The following SIPA1L1 variants were observed in gnomAD, a reference collection of about 807,000 sequenced individuals.
The protein encoded by SIPA1L1 is signal-induced proliferation-associated 1-like protein 1.
In SIPA1L1, 26 loss-of-function variants were observed where a neutral mutation model predicts 162.7. That is an observed-to-expected ratio of 0.16 (90% CI 0.12 to 0.22). The LOEUF is 0.22. SIPA1L1 is among the 10% of genes least tolerant of loss of function. The probability of loss-of-function intolerance (pLI) is 1.00; values close to 1 mark genes in which losing one functional copy is unlikely to be tolerated. For synonymous variants in SIPA1L1, 829 were observed against 837.4 expected, an observed-to-expected ratio of 0.99 and a Z score of 0.17; for missense variants, 1,874 against 2,241.0, an observed-to-expected ratio of 0.84 and a Z score of 3.31.
At chr14:71,607,168 G>T (rs1036119847) in intron 5 of SIPA1L1, among the ~76,000 whole-genome samples, 1 of 151,616 alleles carries the variant, frequency 6.6e-6, no homozygotes. Flanking sequence ...GAGTTCCAGG[G>T]GGAGGTGACA....
At chr14:71,669,481 A>T (rs866814673) in intron 10 of SIPA1L1, among the ~76,000 whole-genome samples, 1 of 152,210 alleles carries the variant, frequency 6.6e-6, no homozygotes, top group African/African-American at 2.4e-5. Context: ...AAAGTGAAAG[A>T]TATTAAATAT....
intron 4 of SIPA1L1, among the ~76,000 whole-genome samples, chr14:71,578,245 G>T (rs1359619351): frequency 1.3e-5 from 2 of 151,856 alleles, no homozygotes; most frequent in Non-Finnish European, 2.9e-5. Context: ...ACAAGGTCTT[G>T]CTTTGTTTGA....
chr14:71,566,281 C>T (rs571418020), intron 4 of SIPA1L1, among the ~76,000 whole-genome samples: 1 of 152,080 alleles, frequency 6.6e-6, no homozygotes, highest in Non-Finnish European at 1.5e-5. Context: ...TAAAGCAGAT[C>T]TAAATAAATA....
rs201814820 is a variant in SIPA1L1, at chr14:71,588,224, C to A, written c.352C>A (p.Gln118Lys). 1 of 1,614,144 alleles carries A rather than the reference C, an allele frequency of 6.2e-7. No homozygotes were observed. Among genetic ancestry groups the A allele is most frequent in the East Asian group, 2.2e-5 (1 of 44,888 alleles). Reference protein sequence around the residue: ...SLSSKSSPVSQGSSVSLNSND... With the variant: ...SLSSKSSPVSKGSSVSLNSND... ...GTCCTCCAAAAGCAGTCCTGTGAGT[C>A]AGGGAAGTTCTGTTAGCCTCAATTC... is the stretch of plus-strand genomic sequence containing the variant. Residue 118 changes from glutamine (Q) to lysine (K), a missense_variant, in exon 5 of 24, where the codon CAG becomes AAG. Transcript: ENST00000381232. This position sits in a 1 kb window ranked among gnomAD's most constrained non-coding sequence, Gnocchi z 4.3.
intron 7 of SIPA1L1, among the ~76,000 whole-genome samples, chr14:71,635,012 T>C (rs922385196): frequency 6.6e-6 from 1 of 151,298 alleles, no homozygotes; most frequent in Non-Finnish European, 1.5e-5. Context: ...GCACGGTGGC[T>C]CACACCTGTA....
chr14:71,338,850 C>T (rs779620727), intron 2 of SIPA1L1, among the ~76,000 whole-genome samples: 2 of 152,016 alleles, frequency 1.3e-5, no homozygotes, highest in Non-Finnish European at 2.9e-5. Context: ...AGCAATTCTC[C>T]TTCCTCAGCT....
intron 16 of SIPA1L1, among the ~76,000 whole-genome samples, chr14:71,705,675 G>A (rs1246541289): frequency 2.6e-5 from 4 of 151,744 alleles, no homozygotes; most frequent in Admixed American, 6.6e-5. Context: ...TGGTTGGAGC[G>A]TCAGTCCTGC....
intron 2 of SIPA1L1, among the ~76,000 whole-genome samples, chr14:71,358,481 T>C (rs928607117): frequency 1.3e-5 from 2 of 152,202 alleles, no homozygotes; most frequent in Admixed American, 6.5e-5. Flanking sequence ...TCAGTCTGGC[T>C]CACTTCATCA....
intron 4 of SIPA1L1, among the ~76,000 whole-genome samples, chr14:71,532,827 A>C (rs1407137867): frequency 2.0e-5 from 3 of 152,276 alleles, no homozygotes; most frequent in Admixed American, 6.5e-5. Flanking sequence ...CAGTTTTAGG[A>C]GATTCCTCCA....
chr14:71,735,639 A>C (rs1226193781), intron 22 of SIPA1L1: 1 of 392,576 alleles, frequency 2.5e-6, no homozygotes, highest in Non-Finnish European at 4.6e-6. Context: ...TAATACATTT[A>C]TGCCCTCAGG....
intron 2 of SIPA1L1, among the ~76,000 whole-genome samples, chr14:71,359,329 A>G (rs2140832921): frequency 6.6e-6 from 1 of 152,264 alleles, no homozygotes; most frequent in South Asian, 2.1e-4. Context: ...AGCCATGTGG[A>G]ACTGTGAATC....
rs781260466 is a variant in SIPA1L1 at position 71,738,281 on chromosome 14, C to G, written c.5164C>G (p.Gln1722Glu). 2 of 1,613,360 alleles carry G rather than the reference C, an allele frequency of 1.2e-6. No homozygotes were observed. The highest frequency in any genetic ancestry group is 4.5e-5 in the East Asian group (2 of 44,848). ...TCCCACTCTGGCTTCTAAAGTGGAC[C>G]AGCTGGAAGGTATGCTGAAGATGCT... The part of the protein sequence containing the change: ...SSPTLASKVD[Q>E]LEGMLKMLRE... The change falls in exon 23 of 24, where the codon CAG becomes GAG. Residue 1722 changes from glutamine (Q) to glutamate (E), a missense_variant. This residue lies in a region of SIPA1L1 where 936 missense variants were observed against 1,051.9 expected (regional missense o/e 0.89). Coordinates refer to ENST00000381232, the MANE Select transcript of SIPA1L1 (RefSeq NM_001386936.1).
chr14:71,411,631 C>T (rs2042410850), intron 2 of SIPA1L1, among the ~76,000 whole-genome samples: 1 of 152,206 alleles, frequency 6.6e-6, no homozygotes, highest in African/African-American at 2.4e-5. Context: ...GTTGGCTGGG[C>T]CAGAGGTTGC....
At chr14:71,442,358 C>A (rs2044962000) in intron 2 of SIPA1L1, among the ~76,000 whole-genome samples, 2 of 151,762 alleles carry the variant, frequency 1.3e-5, no homozygotes, top group Non-Finnish European at 2.9e-5. Flanking sequence ...TGATTCAAAG[C>A]CCAGAGTATA....
intron 2 of SIPA1L1, among the ~76,000 whole-genome samples, chr14:71,384,306 C>T (rs997821856): frequency 1.3e-5 from 2 of 152,100 alleles, no homozygotes; most frequent in Admixed American, 1.3e-4. Context: ...ATGTTCAATA[C>T]ATTGGTTCCT....
intron 2 of SIPA1L1, among the ~76,000 whole-genome samples, chr14:71,468,402 G>A (rs1481581371): frequency 6.6e-6 from 1 of 152,140 alleles, no homozygotes; most frequent in African/African-American, 2.4e-5. Flanking sequence ...TTCTGGGGAG[G>A]CCTCAGGAAG....
At chr14:71,706,350 C>T (rs555397312) in intron 16 of SIPA1L1, among the ~76,000 whole-genome samples, 108 of 152,170 alleles carry the variant, frequency 7.1e-4, no homozygotes, top group Middle Eastern at 3.4e-3. Context: ...ATACTGATTA[C>T]ATGGTAAAAT....
chr14:71,615,337 C>T (rs2038709310), intron 5 of SIPA1L1, among the ~76,000 whole-genome samples: 1 of 152,024 alleles, frequency 6.6e-6, no homozygotes, highest in Admixed American at 6.6e-5. Context: ...TTTGGGTAAC[C>T]ATGAAAAGGG....
At chr14:71,537,918 C>T (rs1354779313) in intron 4 of SIPA1L1, among the ~76,000 whole-genome samples, 1 of 152,166 alleles carries the variant, frequency 6.6e-6, no homozygotes, top group East Asian at 1.9e-4. Flanking sequence ...CAGGTAACTG[C>T]CATTTTCTCA....
Sources: allele counts gnomAD v4.1 joint callset (sites outside exome capture counted in the v4.1 genomes callset), GRCh38; gene constraint gnomAD v4.1.1; regional missense constraint gnomAD v4.1.1; non-coding constraint Gnocchi (gnomAD v3.1); transcripts MANE v1.5; gene names NCBI Gene and HGNC (gene_info 2026-07-23, HGNC 2026-07-21).